Variants in ATP10B observed in about 807,000 individuals in gnomAD.
ATP10B encodes phospholipid-transporting ATPase VB.
A neutral mutation model predicts 141.2 loss-of-function variants in ATP10B; 122 were observed. That is an observed-to-expected ratio of 0.86 (90% CI 0.75 to 1.00). The LOEUF is 1.00. ATP10B is among the 50% of genes least tolerant of loss of function. ATP10B has a pLI of 0.00. For missense variants in ATP10B, 1,876 were observed against 1,825.3 expected, an observed-to-expected ratio of 1.03 and a Z score of -0.51; for synonymous variants, 685 against 692.0, an observed-to-expected ratio of 0.99 and a Z score of 0.16.
At chr5:160,566,104 A>G (rs956088133) in intron 25 of ATP10B, among the ~76,000 whole-genome samples, 4 of 152,194 alleles carry the variant, frequency 2.6e-5, no homozygotes, top group African/African-American at 4.8e-5. Context: ...CATTTATTAT[A>G]CACCAGGACT....
At chr5:160,776,456 T>C (rs1427392421) in intron 2 of ATP10B, among the ~76,000 whole-genome samples, 2 of 152,178 alleles carry the variant, frequency 1.3e-5, no homozygotes, top group Non-Finnish European at 2.9e-5. Flanking sequence ...AGGGGCTACA[T>C]TGTCTGATTT....
intron 1 of ATP10B, among the ~76,000 whole-genome samples, chr5:160,824,384 C>T (rs1434572756): frequency 6.6e-6 from 1 of 152,168 alleles, no homozygotes; most frequent in Admixed American, 6.5e-5. Context: ...ATATTCATCC[C>T]AACCTAAGAA....
At chr5:160,731,704 C>T (rs1278398249) in intron 2 of ATP10B, among the ~76,000 whole-genome samples, 1 of 152,168 alleles carries the variant, frequency 6.6e-6, no homozygotes, top group Non-Finnish European at 1.5e-5. Flanking sequence ...GGACGATACT[C>T]ACTATAGAAA....
At chr5:160,594,391 C>T (rs1399784579) in intron 22 of ATP10B, among the ~76,000 whole-genome samples, 1 of 152,124 alleles carries the variant, frequency 6.6e-6, no homozygotes, top group African/African-American at 2.4e-5. Flanking sequence ...GAAGGAAGCA[C>T]TAAACATGGA....
intron 23 of ATP10B, 50 bp downstream of exon 23, chr5:160,591,009 C>CA (rs2127612183): frequency 1.4e-6 from 2 of 1,420,332 alleles, no homozygotes; most frequent in East Asian, 5.4e-5. Context: ...ATAAAAAGGA[C>CA]CAGTTCTTCT....
At chr5:160,675,452 T>TGGG (rs1762965600) in intron 6 of ATP10B, among the ~76,000 whole-genome samples, 2 of 151,994 alleles carry the variant, frequency 1.3e-5, no homozygotes, top group East Asian at 3.9e-4. Context: ...CTGGATGCCA[T>TGGG]GGGGGAGCAG....
intron 6 of ATP10B, among the ~76,000 whole-genome samples, chr5:160,684,623 G>T (rs113781526): frequency 6.6e-6 from 1 of 152,166 alleles, no homozygotes; most frequent in Non-Finnish European, 1.5e-5. Context: ...AATGCTACAT[G>T]ATAAAGACCT....
At chr5:160,642,598 G>A (rs577492708) in intron 9 of ATP10B, among the ~76,000 whole-genome samples, 14 of 152,244 alleles carry the variant, frequency 9.2e-5, no homozygotes, top group African/African-American at 2.4e-4. Flanking sequence ...GACAGCCCCC[G>A]TCACAAAGAA....
intron 3 of ATP10B, among the ~76,000 whole-genome samples, chr5:160,694,024 G>C (rs979711911): frequency 2.6e-5 from 4 of 152,194 alleles, no homozygotes; most frequent in Non-Finnish European, 5.9e-5. Flanking sequence ...TGCTGAGGCT[G>C]TTATGCTGAG....
At chr5:160,644,374 G>C in intron 8 of ATP10B, 130 bp from the exon 9 acceptor site, 2 of 674,786 alleles carry the variant, frequency 3.0e-6, no homozygotes, top group Non-Finnish European at 5.4e-6. Flanking sequence ...GAAGAGTGAT[G>C]GTAGCTGAGA....
chr5:160,751,106 C>T (rs532668842), intron 2 of ATP10B, among the ~76,000 whole-genome samples: 6 of 152,322 alleles, frequency 3.9e-5, no homozygotes, highest in Middle Eastern at 3.4e-3. Context: ...CTCTTCCAGA[C>T]GGAGGGCTCT....
Position 160,602,672 on chromosome 5 carries a change from G to C in ATP10B, c.3268C>G (p.Arg1090Gly), listed in dbSNP as rs774285655. The stretch of plus-strand genomic sequence containing the variant: ...AGCAACTTCTTGAGATGCTTAAAGC[G>C]GGTGATGGCAAAGTCGCTGGACATG... ...AVMSSDFAIT[R>G]FKHLKKLLLV... Residue 1090 changes from arginine to glycine, a missense_variant, in exon 21 of 26, where the codon CGC (arginine) becomes GGC (glycine). Arg to Gly is a moderately radical substitution (Grantham distance 125, BLOSUM62 -2). Coordinates refer to ENST00000327245, the MANE Select transcript of ATP10B (RefSeq NM_025153.3). 10 of 1,613,904 alleles carry C rather than the reference G, an allele frequency of 6.2e-6. No homozygotes were observed. The highest frequency in any genetic ancestry group is 2.7e-5 in the African/African-American group (2 of 74,936).
the ATP10B span, among the ~76,000 whole-genome samples, chr5:160,896,643 C>A: frequency 2.0e-5 from 3 of 151,990 alleles, no homozygotes; most frequent in South Asian, 6.2e-4. Flanking sequence ...CATTTTTTTT[C>A]TGTAACTATC....
At chr5:160,684,749 T>A (rs1581352209) in intron 6 of ATP10B, 1 of 610,958 alleles carries the variant, frequency 1.6e-6, no homozygotes, top group Non-Finnish European at 2.9e-6. Flanking sequence ...CCCTACTCCA[T>A]CCCTTCTACA....
At chr5:160,690,763 G>A (rs1056959091) in intron 3 of ATP10B, among the ~76,000 whole-genome samples, 2 of 152,198 alleles carry the variant, frequency 1.3e-5, no homozygotes, top group African/African-American at 4.8e-5. Flanking sequence ...TGGTGGGAGT[G>A]TAAATTAGTT....
intron 5 of ATP10B, chr5:160,686,889 T>TA (rs1364961848): frequency 1.1e-6 from 1 of 923,218 alleles, no homozygotes; most frequent in Non-Finnish European, 1.3e-6. Context: ...TTGAGGGTGA[T>TA]ATATAAGCAC....
the ATP10B span, among the ~76,000 whole-genome samples, chr5:160,900,015 C>T: frequency 6.6e-6 from 1 of 152,158 alleles, no homozygotes; most frequent in Non-Finnish European, 1.5e-5. Context: ...TCTGGGCAGA[C>T]GTTGTGTCGT....
intron 1 of ATP10B, among the ~76,000 whole-genome samples, chr5:160,831,076 C>G (rs1204729285): frequency 6.7e-6 from 1 of 150,126 alleles, no homozygotes; most frequent in Non-Finnish European, 1.5e-5. Context: ...ATCTTTGTCA[C>G]TTATTTTTAT....
chr5:160,718,380 T>C (rs1765781446), intron 2 of ATP10B, among the ~76,000 whole-genome samples: 1 of 152,218 alleles, frequency 6.6e-6, no homozygotes, highest in Non-Finnish European at 1.5e-5. Context: ...CAGACAAGTA[T>C]GGATTCCAAC....
Sources: allele counts gnomAD v4.1 joint callset (sites outside exome capture counted in the v4.1 genomes callset), GRCh38; gene constraint gnomAD v4.1.1; transcripts MANE v1.5; gene names NCBI Gene and HGNC (gene_info 2026-07-23, HGNC 2026-07-21).